LHFPL3: variants seen among roughly 807,000 people sequenced by gnomAD.
LHFPL3 encodes LHFPL tetraspan subfamily member 3 protein.
A neutral mutation model predicts 19.3 loss-of-function variants in LHFPL3; 5 were observed. The ratio of observed to expected loss-of-function variants is 0.26; its 90% confidence interval spans 0.14 to 0.54. The LOEUF (loss-of-function observed/expected upper bound fraction) is 0.54, where lower values mean the gene tolerates loss of function less well. Ranked by LOEUF, LHFPL3 falls within the 20% of genes least tolerant of loss-of-function variation. LHFPL3 has a pLI of 0.94. For missense variants in LHFPL3, 249 were observed against 307.4 expected, an observed-to-expected ratio of 0.81 and a Z score of 1.42; for synonymous variants, 133 against 126.2, an observed-to-expected ratio of 1.05 and a Z score of -0.36.
chr7:104,402,307 T>G (rs1791329396), intron 1 of LHFPL3, among the ~76,000 whole-genome samples: 1 of 152,172 alleles, frequency 6.6e-6, no homozygotes, highest in South Asian at 2.1e-4. Context: ...GTGGGGGAGA[T>G]TCTACCACCT....
intron 1 of LHFPL3, among the ~76,000 whole-genome samples, chr7:104,696,605 G>A (rs1464323211): frequency 6.6e-6 from 1 of 152,076 alleles, no homozygotes; most frequent in African/African-American, 2.4e-5. Flanking sequence ...GTAAGCAAGT[G>A]TAAGTGCCTG....
intron 1 of LHFPL3, among the ~76,000 whole-genome samples, chr7:104,410,420 G>T (rs1203187808): frequency 3.3e-5 from 5 of 152,144 alleles, no homozygotes; most frequent in Non-Finnish European, 7.4e-5. Context: ...GGCATGAGCC[G>T]CTGCACCCGG....
At chr7:104,423,481 G>T (rs1286968857) in intron 1 of LHFPL3, among the ~76,000 whole-genome samples, 1 of 152,116 alleles carries the variant, frequency 6.6e-6, no homozygotes, top group Non-Finnish European at 1.5e-5. Context: ...GGGCATGGTG[G>T]TGCATGCCTA....
chr7:104,881,119 G>A (rs543058557), intron 2 of LHFPL3, among the ~76,000 whole-genome samples: 8 of 149,894 alleles, frequency 5.3e-5, no homozygotes, highest in Middle Eastern at 3.4e-3. Context: ...GCAGTGAGCC[G>A]GGATAGCACC....
intron 2 of LHFPL3, among the ~76,000 whole-genome samples, chr7:104,769,211 G>A (rs1341073923): frequency 6.6e-6 from 1 of 152,222 alleles, no homozygotes; most frequent in African/African-American, 2.4e-5. Flanking sequence ...AGAGGCCTAT[G>A]AGCAGCTGTT....
intron 2 of LHFPL3, among the ~76,000 whole-genome samples, chr7:104,836,727 G>A (rs1241234895): frequency 6.6e-6 from 1 of 152,168 alleles, no homozygotes; most frequent in East Asian, 1.9e-4. Flanking sequence ...CAGAGCTGAA[G>A]GATTTACCCC....
chr7:104,645,654 C>CTTTTTTTTTTTTTTTTTTT lies in LHFPL3; in HGVS notation c.446-91014_446-90996dup, dbSNP rs869151153. Among the ~76,000 whole-genome samples the CTTTTTTTTTTTTTTTTTTT allele has an allele frequency of 2.5e-5, 2 of 81,618 alleles. 1 individual carries two copies. The highest frequency in any genetic ancestry group is 1.0e-4 in the African/African-American group (2 of 19,606). 53.5% of individuals were successfully genotyped at this position (81,618 alleles called of 152,430 possible). ...TGACATATTTGCTCTATTGGGTTTT[C>CTTTTTTTTTTTTTTTTTTT]TTTTTTTTTTTTTTTTTTTTTTTTT... On this transcript the variant is annotated intron_variant, in intron 1 of 2. Transcript: ENST00000424859.
At chr7:104,432,901 G>C (rs1427333787) in intron 1 of LHFPL3, among the ~76,000 whole-genome samples, 1 of 152,108 alleles carries the variant, frequency 6.6e-6, no homozygotes, top group Non-Finnish European at 1.5e-5. Context: ...CCCCTTGCCT[G>C]AGATGTGAAT....
chr7:104,455,055 C>T (rs2081913515), intron 1 of LHFPL3, among the ~76,000 whole-genome samples: 1 of 152,118 alleles, frequency 6.6e-6, no homozygotes, highest in South Asian at 2.1e-4. Context: ...TCAGAGCCTC[C>T]TCAGTGTTTT....
chr7:104,858,223 A>G (rs1336936209), intron 2 of LHFPL3, among the ~76,000 whole-genome samples: 1 of 152,064 alleles, frequency 6.6e-6, no homozygotes, highest in African/African-American at 2.4e-5. Flanking sequence ...CTCACCTTTC[A>G]ATCTTTGGTG....
intron 1 of LHFPL3, among the ~76,000 whole-genome samples, chr7:104,617,353 G>A (rs1462712147): frequency 6.6e-6 from 1 of 151,894 alleles, no homozygotes; most frequent in Non-Finnish European, 1.5e-5. Context: ...TGTAACACAA[G>A]ATAAAGTCTT....
intron 1 of LHFPL3, among the ~76,000 whole-genome samples, chr7:104,428,564 G>T (rs1165480902): frequency 2.6e-5 from 4 of 152,212 alleles, no homozygotes; most frequent in Admixed American, 6.5e-5. Flanking sequence ...TACTTAATCA[G>T]ATCCACACAG....
chr7:104,788,946 T>C (rs192140388), intron 2 of LHFPL3, among the ~76,000 whole-genome samples: 109 of 152,314 alleles, frequency 7.2e-4, no homozygotes, highest in Non-Finnish European at 8.1e-4. Flanking sequence ...GGCACCACCA[T>C]TTCCCTAAGT....
chr7:104,761,714 A>C (rs1341286863), intron 2 of LHFPL3, among the ~76,000 whole-genome samples: 1 of 152,210 alleles, frequency 6.6e-6, no homozygotes, highest in Non-Finnish European at 1.5e-5. Context: ...TCGTAGAGTG[A>C]ATTTCTTCAA....
chr7:104,718,411 A>T (rs2116238614), intron 1 of LHFPL3, among the ~76,000 whole-genome samples: 1 of 152,312 alleles, frequency 6.6e-6, no homozygotes, highest in East Asian at 1.9e-4. Context: ...TGGGCTTAGA[A>T]ATGCTGGTCC....
chr7:104,705,742 A>AGT (rs1398303594), intron 1 of LHFPL3, among the ~76,000 whole-genome samples: 1 of 152,174 alleles, frequency 6.6e-6, no homozygotes, highest in East Asian at 1.9e-4. Flanking sequence ...TTGAGCTGTC[A>AGT]GTCCCCACAC....
intron 1 of LHFPL3, among the ~76,000 whole-genome samples, chr7:104,452,409 T>C (rs1279828241): frequency 3.3e-5 from 5 of 152,224 alleles, no homozygotes; most frequent in African/African-American, 1.2e-4. Flanking sequence ...TTCACTTGTT[T>C]AAATTATTTC....
intron 2 of LHFPL3, among the ~76,000 whole-genome samples, chr7:104,784,337 G>A (rs76460077): frequency 0.011 from 1,679 of 152,292 alleles, 23 homozygotes; most frequent in African/African-American, 0.036. Flanking sequence ...CCAACCAGCA[G>A]TGTGGCCTAC....
At chr7:104,833,266 GAT>G (rs1248118325) in intron 2 of LHFPL3, among the ~76,000 whole-genome samples, 1 of 64,642 alleles carries the variant, frequency 1.5e-5, no homozygotes, top group Non-Finnish European at 2.7e-5. Flanking sequence ...GAACTAATAG[GAT>G]ATATATATAA....
Sources: allele counts gnomAD v4.1 joint callset (sites outside exome capture counted in the v4.1 genomes callset), GRCh38; gene constraint gnomAD v4.1.1; transcripts MANE v1.5; gene names NCBI Gene and HGNC (gene_info 2026-07-23, HGNC 2026-07-21).